Variants in UBE2H observed in about 807,000 individuals in gnomAD.
The protein encoded by UBE2H is ubiquitin conjugating enzyme E2 H.
Under a neutral mutation model 29.0 loss-of-function variants are expected in UBE2H, and 3 were observed. The ratio of observed to expected loss-of-function variants is 0.10; its 90% confidence interval spans 0.05 to 0.27. The LOEUF is 0.27. Ranked by LOEUF, UBE2H falls within the 10% of genes least tolerant of loss-of-function variation. The pLI, the probability that UBE2H is intolerant of heterozygous loss-of-function variation, is 1.00. For missense variants in UBE2H, 68 were observed against 228.2 expected (o/e 0.30, Z 4.52); for synonymous variants, 69 against 82.9 (o/e 0.83, Z 0.91).
intron 1 of UBE2H, among the ~76,000 whole-genome samples, chr7:129,946,998 T>G (rs1311423558): frequency 6.6e-6 from 1 of 152,050 alleles, no homozygotes; most frequent in Non-Finnish European, 1.5e-5. Context: ...TGTTTAAATA[T>G]ATCTATAAAA....
At chr7:129,868,586 CAAAAAAAAAAA>C (rs11356893) in intron 3 of UBE2H, among the ~76,000 whole-genome samples, 3 of 69,514 alleles carry the variant, frequency 4.3e-5, no homozygotes, top group Admixed American at 2.2e-4. Flanking sequence ...GACTCCGTCT[CAAAAAAAAAAA>C]AAAAAAAAAA....
intron 1 of UBE2H, among the ~76,000 whole-genome samples, chr7:129,896,992 G>A (rs1806613399): frequency 6.6e-6 from 1 of 152,160 alleles, no homozygotes; most frequent in Non-Finnish European, 1.5e-5. Context: ...GATGATCAAA[G>A]TGTGAATAAT....
chr7:129,865,663 T>C (rs903863515), intron 3 of UBE2H, among the ~76,000 whole-genome samples: 1 of 152,226 alleles, frequency 6.6e-6, no homozygotes, highest in African/African-American at 2.4e-5. Context: ...GCAATTGCAT[T>C]ATAAGCTTAT....
Position 129,868,376 on chromosome 7 carries a change from C to T in UBE2H, c.206-9435G>A, listed in dbSNP as rs538556651. On this transcript the variant is annotated intron_variant, in intron 3 of 6. Transcript: ENST00000355621. ...CGGGTGGATCATGAGGTCAGGAGATCGAGACCATCCTGGCTAACAAGGTGA... is the reference window on the plus strand; with the variant it reads ...CGGGTGGATCATGAGGTCAGGAGATTGAGACCATCCTGGCTAACAAGGTGA... Among the ~76,000 whole-genome samples the T allele has an allele frequency of 1.9e-4, 29 of 151,794 alleles. No homozygotes were observed. In the South Asian group the frequency reaches 5.4e-3, roughly 28 times the overall value.
chr7:129,892,720 C>G (rs1806522579), intron 1 of UBE2H, among the ~76,000 whole-genome samples: 1 of 152,116 alleles, frequency 6.6e-6, no homozygotes, highest in Non-Finnish European at 1.5e-5. Context: ...GGTTCTTTTC[C>G]TAGTTTCTCT....
At chr7:129,915,742 G>C (rs562659186) in intron 1 of UBE2H, among the ~76,000 whole-genome samples, 2 of 152,074 alleles carry the variant, frequency 1.3e-5, no homozygotes, top group African/African-American at 4.8e-5. Flanking sequence ...AAAAGCAAAC[G>C]GGCTAAGTGG....
At chr7:129,892,692 A>G (rs550170737) in intron 1 of UBE2H, among the ~76,000 whole-genome samples, 1 of 152,318 alleles carries the variant, frequency 6.6e-6, no homozygotes, top group South Asian at 2.1e-4. Flanking sequence ...CTGTTATGCT[A>G]AAGTCCTTGC....
intron 1 of UBE2H, among the ~76,000 whole-genome samples, chr7:129,898,629 T>C (rs1806646079): frequency 6.6e-6 from 1 of 152,122 alleles, no homozygotes; most frequent in Non-Finnish European, 1.5e-5. Context: ...AAAAAACTAT[T>C]GAGTTTCCTT....
At chr7:129,936,474 G>C (rs1807530624) in intron 1 of UBE2H, among the ~76,000 whole-genome samples, 1 of 150,422 alleles carries the variant, frequency 6.6e-6, no homozygotes, top group South Asian at 2.1e-4. Flanking sequence ...GGCGCCTGTA[G>C]TCCCAGCTAC....
At chr7:129,951,845 T>C (rs1240182450) in intron 1 of UBE2H, among the ~76,000 whole-genome samples, 1 of 152,044 alleles carries the variant, frequency 6.6e-6, no homozygotes, top group Non-Finnish European at 1.5e-5. Context: ...CTTCATCACA[T>C]ACAACTATGG....
At chr7:129,936,339 A>C (rs918733008) in intron 1 of UBE2H, among the ~76,000 whole-genome samples, 1 of 152,224 alleles carries the variant, frequency 6.6e-6, no homozygotes, top group Non-Finnish European at 1.5e-5. Context: ...TCACGCCTGT[A>C]ATCCCAGTAC....
rs556606263 is a variant in UBE2H at position 129,851,528 on chromosome 7, G to A, written c.298+5983C>T. 3.9e-5 allele frequency among the ~76,000 whole-genome samples: 6 copies of A among 152,302 alleles called. No individual in the cohort carries two copies. In the South Asian group the frequency reaches 1.2e-3, roughly 32 times the overall value. On this transcript the variant is annotated intron_variant, in intron 5 of 6. Transcript: ENST00000355621. The stretch of plus-strand genomic sequence containing the variant: ...TACAAGCCAAGTGTCCATACGCTGG[G>A]AAGACTTTATAACTCAGTAATCGTA...
intron 5 of UBE2H, among the ~76,000 whole-genome samples, chr7:129,854,067 T>G (rs58788067): frequency 2.2e-4 from 33 of 148,894 alleles, no homozygotes; most frequent in Non-Finnish European, 2.8e-4. Flanking sequence ...TTAGTTTTTT[T>G]TTTTTTTTTT....
chr7:129,935,624 G>A (rs905904120), intron 1 of UBE2H, among the ~76,000 whole-genome samples: 1 of 152,186 alleles, frequency 6.6e-6, no homozygotes, highest in Non-Finnish European at 1.5e-5. Context: ...ATCTATTGTT[G>A]TAGAGAGGTA....
chr7:129,872,107 G>A (rs1000494315), intron 3 of UBE2H, among the ~76,000 whole-genome samples: 3 of 152,066 alleles, frequency 2.0e-5, no homozygotes, highest in Non-Finnish European at 2.9e-5. Flanking sequence ...CTCCTGCCTC[G>A]GCCTCCCAAC....
chr7:129,838,483 A>C (rs1294505620), intron 6 of UBE2H, among the ~76,000 whole-genome samples: 1 of 152,138 alleles, frequency 6.6e-6, no homozygotes, highest in Non-Finnish European at 1.5e-5. Context: ...CTAGATACTA[A>C]TGCCTGCCAT....
chr7:129,892,360 T>C (rs999487135), intron 1 of UBE2H, among the ~76,000 whole-genome samples: 3 of 152,084 alleles, frequency 2.0e-5, no homozygotes, highest in Non-Finnish European at 4.4e-5. Context: ...CAAGCGATTC[T>C]CCTTCCTCAG....
intron 3 of UBE2H, among the ~76,000 whole-genome samples, chr7:129,877,716 C>T (rs1201550235): frequency 1.3e-5 from 2 of 152,084 alleles, no homozygotes; most frequent in Non-Finnish European, 2.9e-5. Context: ...TTTAAGAAAG[C>T]GTGGAGGCTT....
chr7:129,937,618 T>C (rs181694561), intron 1 of UBE2H, among the ~76,000 whole-genome samples: 3 of 152,288 alleles, frequency 2.0e-5, no homozygotes, highest in Admixed American at 6.5e-5. Flanking sequence ...TACTCACATA[T>C]ATGGCATTTG....
Sources: allele counts gnomAD v4.1 joint callset (sites outside exome capture counted in the v4.1 genomes callset), GRCh38; gene constraint gnomAD v4.1.1; transcripts MANE v1.5; gene names NCBI Gene and HGNC (gene_info 2026-07-23, HGNC 2026-07-21).